The following ARAP2 variants were observed in gnomAD, a reference collection of about 807,000 sequenced individuals.
ARAP2 encodes the protein ArfGAP with RhoGAP domain, ankyrin repeat and PH domain 2.
A neutral mutation model predicts 194.5 loss-of-function variants in ARAP2; 148 were observed. The observed-to-expected ratio is 0.76, with a 90% CI of 0.67 to 0.87. The LOEUF is 0.87. ARAP2 is among the 40% of genes least tolerant of loss of function. The pLI is 0.00. For synonymous variants in ARAP2, 695 were observed against 683.5 expected, an observed-to-expected ratio of 1.02 and a Z score of -0.26; for missense variants, 2,128 against 1,989.7, an observed-to-expected ratio of 1.07 and a Z score of -1.32.
rs898412624 is a variant in ARAP2 at position 36,227,073 on chromosome 4, A to G, written c.905+1509T>C. ...TAATCCAATTCTTATATAGCCAATC[A>G]ACATTTTCAACAATATTTACTCAAT... On this transcript the variant is annotated intron_variant, in intron 2 of 32. Transcript: ENST00000303965. 6.6e-5 allele frequency among the ~76,000 whole-genome samples: 10 copies of G among 152,316 alleles called. 1 individual carries two copies. Among genetic ancestry groups the G allele is most frequent in the Middle Eastern group, 6.8e-3 (2 of 294 alleles).
rs201733941 is a variant in ARAP2 at position 36,160,454 on chromosome 4, A to T, written c.2442+5T>A. On this transcript the variant is annotated splice_donor_5th_base_variant and intron_variant, in intron 13 of 32. Coordinates refer to ENST00000303965, the MANE Select transcript of ARAP2 (RefSeq NM_015230.4). ...CCACGTCTGCTGTTATGTTTAATTGAATACCTTATTTAATTCTTCTTTGGT... is the reference window on the plus strand; with the variant it reads ...CCACGTCTGCTGTTATGTTTAATTGTATACCTTATTTAATTCTTCTTTGGT... 6.5e-7 allele frequency: 1 copy of T among 1,537,694 alleles called. No homozygotes were observed. The highest frequency in any genetic ancestry group is 1.4e-5 in the African/African-American group (1 of 70,156).
chr4:36,146,098 C>A (rs926364599), intron 19 of ARAP2, among the ~76,000 whole-genome samples: 2 of 151,996 alleles, frequency 1.3e-5, no homozygotes, highest in Non-Finnish European at 2.9e-5. Context: ...AAAAACAGCA[C>A]CATAATTCAG....
chr4:36,063,246 G>A (rs912454204), downstream of ARAP2, among the ~76,000 whole-genome samples: 1 of 152,022 alleles, frequency 6.6e-6, no homozygotes, highest in Non-Finnish European at 1.5e-5. Context: ...CTCACAGGTG[G>A]GAATTGAACA....
At chr4:36,141,437 G>A (rs371196587) in intron 19 of ARAP2, among the ~76,000 whole-genome samples, 1 of 151,584 alleles carries the variant, frequency 6.6e-6, no homozygotes, top group Admixed American at 6.6e-5. Flanking sequence ...GCTTTTTAGA[G>A]CAAAAATGCT....
chr4:36,065,317 A>T (rs939439381), downstream of ARAP2: 1 of 493,328 alleles, frequency 2.0e-6, no homozygotes, highest in Non-Finnish European at 4.1e-6. Flanking sequence ...GCTACAGCAG[A>T]TGTCCCAAAG....
chr4:36,156,125 T>C (rs1732234666), intron 15 of ARAP2, among the ~76,000 whole-genome samples: 1 of 151,576 alleles, frequency 6.6e-6, no homozygotes, highest in Non-Finnish European at 1.5e-5. Flanking sequence ...CTACTAAAAA[T>C]ACAAAAATTA....
rs1739625641 is a variant in ARAP2, at chr4:36,182,956, G to A, written c.1678+4495C>T. Among the ~76,000 whole-genome samples the A allele has an allele frequency of 2.6e-5, 4 of 152,278 alleles. No homozygotes were observed. In the South Asian group the frequency reaches 8.3e-4, roughly 32 times the overall value. ...GTGGAGTACAGGAAGAGGTCAGGAT[G>A]GAGATACACATTTGACATCAGTCAC... On this transcript the variant is annotated intron_variant, in intron 8 of 32. Transcript: ENST00000303965.
intron 1 of ARAP2, chr4:36,058,166 G>T (rs1387333718): frequency 6.6e-6 from 1 of 152,074 alleles, no homozygotes. Flanking sequence ...AAATACAATT[G>T]AATTTTTGTA....
At chr4:36,114,115 G>A in intron 26 of ARAP2, 55 bp downstream of exon 26, 2 of 1,196,468 alleles carry the variant, frequency 1.7e-6, no homozygotes, top group Non-Finnish European at 2.4e-6. Flanking sequence ...TTGTCTTAAA[G>A]AGTACTTTTT....
At chr4:36,068,914 C>T (rs1481691975) in intron 32 of ARAP2, among the ~76,000 whole-genome samples, 3 of 152,192 alleles carry the variant, frequency 2.0e-5, no homozygotes, top group African/African-American at 7.2e-5. Flanking sequence ...TTTTAACATG[C>T]ATTCAACATA....
intron 2 of ARAP2, among the ~76,000 whole-genome samples, chr4:36,052,643 C>A (rs567085789): frequency 6.6e-6 from 1 of 152,186 alleles, no homozygotes; most frequent in East Asian, 1.9e-4. Flanking sequence ...TTAATGAACA[C>A]CCCAAAATTC....
At position 36,147,719 on chromosome 4, in the gene ARAP2, A is replaced by T; in HGVS notation, c.3028T>A (p.Leu1010Ile). The T allele has an allele frequency of 6.2e-7, 1 of 1,610,664 alleles. No homozygotes were observed. Among genetic ancestry groups the T allele is most frequent in the Non-Finnish European group, 8.5e-7 (1 of 1,178,880 alleles). ...ATCAAATCATAGTCAGCTTCTGTTAAGTTTTCAGCAAATAAGGGAACAAAA... is the reference window on the plus strand; with the variant it reads ...ATCAAATCATAGTCAGCTTCTGTTATGTTTTCAGCAAATAAGGGAACAAAA... ...KHFVPLFAEN[L>I]TEADYDLIGQ... The change falls in exon 18 of 33, where the codon TTA becomes ATA. Residue 1010 changes from leucine to isoleucine, a missense_variant. Leu to Ile is a conservative substitution (Grantham distance 5, BLOSUM62 2). Coordinates refer to ENST00000303965, the MANE Select transcript of ARAP2 (RefSeq NM_015230.4).
intron 5 of ARAP2, among the ~76,000 whole-genome samples, chr4:36,028,706 C>T (rs575360092): frequency 6.6e-6 from 1 of 151,270 alleles, no homozygotes; most frequent in Non-Finnish European, 1.5e-5. Flanking sequence ...TTCTTAAAAC[C>T]TTGTATTTAC....
intron 27 of ARAP2, among the ~76,000 whole-genome samples, chr4:36,104,517 A>C (rs532910374): frequency 6.6e-6 from 1 of 152,184 alleles, no homozygotes; most frequent in African/African-American, 2.4e-5. Flanking sequence ...ACTGAATACC[A>C]AAATTATCAG....
chr4:36,107,910 ATAAAT>A (rs1230551196), intron 26 of ARAP2, among the ~76,000 whole-genome samples: 2 of 152,056 alleles, frequency 1.3e-5, no homozygotes. Flanking sequence ...CATTTACTAT[ATAAAT>A]TAATCATGCA....
chr4:36,195,309 T>C (rs1241355812), intron 6 of ARAP2, among the ~76,000 whole-genome samples: 1 of 152,252 alleles, frequency 6.6e-6, no homozygotes, highest in African/African-American at 2.4e-5. Flanking sequence ...CATCCAACAG[T>C]GTTAGAGCCA....
intron 6 of ARAP2, among the ~76,000 whole-genome samples, chr4:36,195,488 C>T (rs1423085903): frequency 6.6e-6 from 1 of 152,228 alleles, no homozygotes; most frequent in Admixed American, 6.5e-5. Flanking sequence ...GAAATACATA[C>T]CTTCTAACAC....
chr4:36,233,999 T>C (rs575171356), intron 1 of ARAP2, among the ~76,000 whole-genome samples: 86 of 152,330 alleles, frequency 5.6e-4, no homozygotes, highest in Non-Finnish European at 1.1e-3. Context: ...TGAAGTTACA[T>C]CCCAATAAAC....
intron 11 of ARAP2, 80 bp downstream of exon 11, chr4:36,164,834 A>C: frequency 1.5e-6 from 2 of 1,357,288 alleles, no homozygotes; most frequent in Non-Finnish European, 2.1e-6. Flanking sequence ...ATTAGCTAGG[A>C]TATATAATAT....
Sources: gnomAD v4.1 joint callset for allele counts (sites outside exome capture counted in the v4.1 genomes callset) on GRCh38, gnomAD v4.1.1 for gene constraint, MANE v1.5 for transcripts, NCBI Gene and HGNC (gene_info 2026-07-23, HGNC 2026-07-21) for gene names.